RNF150: variants seen among roughly 807,000 people sequenced by gnomAD.
RNF150 encodes ring finger protein 150.
A neutral mutation model predicts 39.3 loss-of-function variants in RNF150; 24 were observed. That is an observed-to-expected ratio of 0.61 (90% CI 0.44 to 0.86). The LOEUF (loss-of-function observed/expected upper bound fraction) is 0.86. Among genes scored for constraint, RNF150 ranks in the 40% least tolerant of loss-of-function variants. The probability of loss-of-function intolerance (pLI) is 0.00; values close to 1 mark genes in which losing one functional copy is unlikely to be tolerated. For synonymous variants in RNF150, 255 were observed against 227.3 expected (o/e 1.12, Z -1.10); for missense variants, 502 against 587.8 (o/e 0.85, Z 1.51).
chr4:141,152,992 G>GTGTT (rs1270657015), intron 1 of RNF150, among the ~76,000 whole-genome samples: 1 of 152,158 alleles, frequency 6.6e-6, no homozygotes, highest in Non-Finnish European at 1.5e-5. Context: ...GATGCTGGCA[G>GTGTT]TGTTTTTGAG....
At chr4:140,994,480 C>A (rs1371498382) in intron 1 of RNF150, among the ~76,000 whole-genome samples, 5 of 148,092 alleles carry the variant, frequency 3.4e-5, no homozygotes, top group African/African-American at 1.0e-4. Flanking sequence ...CACACACACA[C>A]AACACACACA....
chr4:141,131,994 G>T (rs766136804), intron 1 of RNF150, among the ~76,000 whole-genome samples: 1 of 152,068 alleles, frequency 6.6e-6, no homozygotes, highest in Non-Finnish European at 1.5e-5. Context: ...TGCTGGGCCG[G>T]TCACTAACCA....
chr4:140,982,255 A>T lies in RNF150; in HGVS notation c.485-14382T>A, dbSNP rs766245275. 3.3e-5 allele frequency among the ~76,000 whole-genome samples: 5 copies of T among 152,100 alleles called. 1 individual carries two copies. Among genetic ancestry groups the T allele is most frequent in the African/African-American group, 4.8e-5 (2 of 41,424 alleles). On this transcript the variant is annotated intron_variant, in intron 1 of 6. Transcript: ENST00000515673. The stretch of plus-strand genomic sequence containing the variant: ...TTCTCACGACATATGAAACCCTTCA[A>T]AGTCACCACCTTATTCATCATCATC...
chr4:141,171,908 G>C (rs780283528), intron 1 of RNF150, among the ~76,000 whole-genome samples: 1 of 152,090 alleles, frequency 6.6e-6, no homozygotes, highest in Non-Finnish European at 1.5e-5. Context: ...GTCATACCTA[G>C]GTGCTTCTTC....
At chr4:141,057,589 T>G (rs1458798941) in intron 1 of RNF150, among the ~76,000 whole-genome samples, 3 of 152,092 alleles carry the variant, frequency 2.0e-5, no homozygotes, top group Non-Finnish European at 2.9e-5. Context: ...ATATATCTCT[T>G]ATGACTTTGC....
At chr4:140,950,403 T>C (rs1362952103) in intron 2 of RNF150, among the ~76,000 whole-genome samples, 1 of 152,240 alleles carries the variant, frequency 6.6e-6, no homozygotes, top group Non-Finnish European at 1.5e-5. Flanking sequence ...TAAAGCTATA[T>C]ATGCATTATC....
chr4:141,183,421 A>G (rs1162930881), intron 1 of RNF150, among the ~76,000 whole-genome samples: 1 of 152,198 alleles, frequency 6.6e-6, no homozygotes, highest in African/African-American at 2.4e-5. Flanking sequence ...AATATTATTT[A>G]TGTAATTAGG....
chr4:140,950,538 T>G (rs1732502473), intron 2 of RNF150, among the ~76,000 whole-genome samples: 1 of 152,194 alleles, frequency 6.6e-6, no homozygotes, highest in Non-Finnish European at 1.5e-5. Flanking sequence ...TGAATAAAAT[T>G]AAGTTTGACT....
In RNF150 at chr4:141,132,956, G is replaced by C; in HGVS notation, c.-148C>G. The C allele has an allele frequency of 1.6e-6, 1 of 607,098 alleles. No homozygotes were observed. Among genetic ancestry groups the C allele is most frequent in the Non-Finnish European group, 2.7e-6 (1 of 364,672 alleles). 37.6% of individuals were successfully genotyped at this position (607,098 alleles called of 1,614,324 possible). ...GGGGCCGCGGCCGGGACGCGCAGCC[G>C]CCGCGGGGACCGGATTCCGGGCGAG... is the stretch of plus-strand genomic sequence containing the variant. On this transcript the variant is annotated 5_prime_UTR_variant, in exon 1 of 7. Transcript: ENST00000515673. The surrounding 1 kb of genome is among the most constrained non-coding windows in gnomAD (Gnocchi z 4.9).
chr4:140,958,538 CA>C (rs1732877242), intron 2 of RNF150, among the ~76,000 whole-genome samples: 1 of 152,092 alleles, frequency 6.6e-6, no homozygotes, highest in Admixed American at 6.5e-5. Context: ...TTCTCTCTCC[CA>C]AATTCATTCT....
intron 1 of RNF150, among the ~76,000 whole-genome samples, chr4:141,028,127 A>T (rs1238474020): frequency 2.0e-5 from 3 of 151,850 alleles, no homozygotes. Flanking sequence ...GCTGGAACTA[A>T]ACAACCCCTC....
chr4:140,861,413 C>T lies in RNF150; in HGVS notation c.*6848G>A, dbSNP rs1288801912. On this transcript the variant is annotated 3_prime_UTR_variant, in exon 7 of 7. Coordinates refer to ENST00000515673, the MANE Select transcript of RNF150 (RefSeq NM_020724.2). ...TTTTTAGAGTTTGTGACACTCTTTC[C>T]TCATTTGATAAATGTAGACCAAATT... 6.6e-6 allele frequency: 1 copy of T among 152,206 alleles called. No individual in the cohort carries two copies. Among genetic ancestry groups the T allele is most frequent in the Non-Finnish European group, 1.5e-5 (1 of 68,036 alleles). The allele number at this position is 152,206 out of a possible 1,614,324, so 9.4% of individuals were successfully genotyped here.
chr4:141,137,744 A>C (rs182154272), upstream of RNF150, among the ~76,000 whole-genome samples: 10 of 152,344 alleles, frequency 6.6e-5, no homozygotes, highest in Admixed American at 5.9e-4. Context: ...ACACATACAC[A>C]ATCGCCAAAT....
chr4:140,962,524 T>C (rs1733083443), intron 2 of RNF150, among the ~76,000 whole-genome samples: 1 of 151,954 alleles, frequency 6.6e-6, no homozygotes, highest in Admixed American at 6.6e-5. Flanking sequence ...TTCTCACATG[T>C]AGCCCCATAT....
At chr4:141,093,442 C>T (rs1430998501) in intron 1 of RNF150, among the ~76,000 whole-genome samples, 2 of 150,786 alleles carry the variant, frequency 1.3e-5, no homozygotes, top group Non-Finnish European at 3.0e-5. Context: ...AATAGAAAAA[C>T]AAAAAAACAA....
intron 1 of RNF150, among the ~76,000 whole-genome samples, chr4:141,078,789 C>CAAAAAAAAAAAA (rs150748282): frequency 3.1e-5 from 2 of 63,862 alleles, no homozygotes; most frequent in Non-Finnish European, 4.7e-5. Flanking sequence ...AACTCCGTCT[C>CAAAAAAAAAAAA]AAAAAAAAAA....
intron 1 of RNF150, among the ~76,000 whole-genome samples, chr4:141,027,235 C>A (rs535966495): frequency 6.6e-6 from 1 of 152,160 alleles, no homozygotes; most frequent in Non-Finnish European, 1.5e-5. Context: ...GATTCTGGAA[C>A]CTTCTTGCTT....
intron 1 of RNF150, among the ~76,000 whole-genome samples, chr4:141,103,502 T>G (rs1739091468): frequency 6.6e-6 from 1 of 152,212 alleles, no homozygotes; most frequent in South Asian, 2.1e-4. Context: ...TGCTTGCTAC[T>G]GTGGGTATTT....
intron 4 of RNF150, among the ~76,000 whole-genome samples, chr4:140,929,307 A>G (rs995526052): frequency 6.8e-6 from 1 of 148,062 alleles, no homozygotes; most frequent in African/African-American, 2.5e-5. Flanking sequence ...AAACACCCTC[A>G]GTTATTTCTC....
Sources: gnomAD v4.1 joint callset for allele counts (sites outside exome capture counted in the v4.1 genomes callset) on GRCh38, gnomAD v4.1.1 for gene constraint, Gnocchi (gnomAD v3.1) non-coding constraint, MANE v1.5 for transcripts, NCBI Gene and HGNC (gene_info 2026-07-23, HGNC 2026-07-21) for gene names.